Variants in OASL observed in about 807,000 individuals in gnomAD.
OASL encodes 2'-5'-oligoadenylate synthase-like protein.
OASL carries 28 observed loss-of-function variants against 35.3 expected under a neutral mutation model. That is an observed-to-expected ratio of 0.79 (90% CI 0.59 to 1.09). The LOEUF is 1.09. OASL is among the 50% of genes least tolerant of loss of function. The probability of loss-of-function intolerance (pLI) is 0.00; values close to 1 mark genes in which losing one functional copy is unlikely to be tolerated. For missense variants in OASL, 620 were observed against 635.2 expected (o/e 0.98, Z 0.26); for synonymous variants, 252 against 254.6 (o/e 0.99, Z 0.10).
exon 4 of OASL, chr12:121,027,581 T>C (rs1592934967): frequency 6.2e-7 from 1 of 1,613,996 alleles, no homozygotes; most frequent in East Asian, 2.2e-5. Flanking sequence ...AGTACCTCTC[T>C]TTTTTGAGCT....
At chr12:121,038,945 G>A (rs767245758) in exon 1 of OASL, 16 of 1,614,028 alleles carry the variant, frequency 9.9e-6, no homozygotes, top group Non-Finnish European at 1.1e-5. Flanking sequence ...AGGCTGGTGT[G>A]CTATACAGTT....
intron 4 of OASL, among the ~76,000 whole-genome samples, chr12:121,026,507 G>T (rs1013304227): frequency 6.6e-6 from 1 of 152,158 alleles, no homozygotes; most frequent in Non-Finnish European, 1.5e-5. Flanking sequence ...ACAAAGAGTG[G>T]GTATTGAAGT....
chr12:121,023,362 C>T (rs1208637077), intron 5 of OASL, among the ~76,000 whole-genome samples: 1 of 148,664 alleles, frequency 6.7e-6, no homozygotes, highest in East Asian at 2.0e-4. Context: ...GATCTCAGCT[C>T]ACTGCAGCCC....
chr12:121,031,436 C>T lies in OASL; in HGVS notation c.657+6G>A, dbSNP rs541505017. 2.5e-5 allele frequency: 41 copies of T among 1,612,556 alleles called. 1 individual carries two copies. The Admixed American group carries it at 6.8e-4, about 27-fold the overall frequency. ...CTTGCCCCTGCCATCCTGGCAGCCC[C>T]CTCACCTGCTGGTACCAGTGTTTCA... On this transcript the variant is annotated splice_donor_region_variant and intron_variant, in intron 3 of 5. Coordinates refer to ENST00000257570, the Ensembl canonical transcript of OASL.
chr12:121,027,699 C>T (rs540046843), exon 4 of OASL: 1 of 1,614,130 alleles, frequency 6.2e-7, no homozygotes, highest in East Asian at 2.2e-5. Flanking sequence ...AGTGGTGAAG[C>T]CTTCGTCCAA....
intron 2 of OASL, among the ~76,000 whole-genome samples, chr12:121,032,977 G>C (rs1176970849): frequency 1.3e-5 from 2 of 151,952 alleles, no homozygotes; most frequent in African/African-American, 2.4e-5. Context: ...CCAGGCTGGA[G>C]TGCAATGGCG....
At chr12:121,031,515 T>C (rs1201521958) in exon 3 of OASL, 1 of 1,613,994 alleles carries the variant, frequency 6.2e-7, no homozygotes, top group Non-Finnish European at 8.5e-7. Flanking sequence ...GAAATTTCTC[T>C]GCAGCTCGCT....
At chr12:121,030,201 GTTATA>G in intron 3 of OASL, among the ~76,000 whole-genome samples, 1 of 151,588 alleles carries the variant, frequency 6.6e-6, no homozygotes, top group African/African-American at 2.4e-5. Flanking sequence ...TTAAATCCCT[GTTATA>G]TTTTATTTTA....
At chr12:121,028,667 G>A (rs978073995) in intron 3 of OASL, among the ~76,000 whole-genome samples, 3 of 130,752 alleles carry the variant, frequency 2.3e-5, no homozygotes, top group African/African-American at 8.8e-5. Context: ...TACATAAGCT[G>A]ATAATTCCCT....
chr12:121,026,576 G>C (rs1464123773), intron 4 of OASL, among the ~76,000 whole-genome samples: 1 of 152,234 alleles, frequency 6.6e-6, no homozygotes, highest in Non-Finnish European at 1.5e-5. Flanking sequence ...ATGGGGCCCA[G>C]TGCGGTGGCT....
chr12:121,037,300 C>G (rs1001234130), intron 1 of OASL, among the ~76,000 whole-genome samples: 22 of 152,086 alleles, frequency 1.4e-4, no homozygotes, highest in African/African-American at 5.3e-4. Flanking sequence ...CAAAGTCTTT[C>G]TAGCTCCGAC....
chr12:121,038,750 G>C (rs756895449), intron 1 of OASL, 24 bp downstream of exon 1: 1 of 1,611,958 alleles, frequency 6.2e-7, no homozygotes, highest in Non-Finnish European at 8.5e-7. Flanking sequence ...GTCTTGCGTG[G>C]GGGCTGGAGG....
intron 4 of OASL, 50 bp from the exon 5 acceptor site, chr12:121,024,187 C>T (rs745321113): frequency 6.3e-7 from 1 of 1,579,616 alleles, no homozygotes; most frequent in Admixed American, 1.9e-5. Context: ...TGAAGGCCTT[C>T]AAGCCAGAAA....
exon 1 of OASL, chr12:121,038,920 A>C: frequency 6.2e-7 from 1 of 1,614,068 alleles, no homozygotes; most frequent in East Asian, 2.2e-5. Context: ...TGAGCCACGA[A>C]GGAGTCCAGC....
At chr12:121,038,062 G>C (rs557198794) in intron 1 of OASL, among the ~76,000 whole-genome samples, 2 of 151,184 alleles carry the variant, frequency 1.3e-5, no homozygotes, top group Non-Finnish European at 2.9e-5. Flanking sequence ...ACTCCAGCCT[G>C]GGTGACAGAG....
chr12:121,020,487 A>G lies in OASL; in HGVS notation c.*74T>C, dbSNP rs1174850088. ...AGACCTGGGACCTTCCCAGTAGACA[A>G]TGGGACAGAGTGATTGACAGGATGA... On this transcript the variant is annotated 3_prime_UTR_variant, in exon 6 of 6. Transcript: ENST00000257570. The G allele has an allele frequency of 2.6e-5, 38 of 1,437,818 alleles. No homozygotes were observed. The Middle Eastern group carries it at 5.5e-4, about 21-fold the overall frequency. 89.1% of individuals were successfully genotyped at this position (1,437,818 alleles called of 1,614,324 possible).
downstream of OASL, among the ~76,000 whole-genome samples, chr12:121,018,450 C>T (rs1869113908): frequency 6.6e-6 from 1 of 151,932 alleles, no homozygotes; most frequent in South Asian, 2.1e-4. Context: ...CGCCTTGGGA[C>T]CGGGCCCAAG....
exon 1 of OASL, chr12:121,038,934 G>C (rs1870071746): frequency 1.9e-6 from 3 of 1,614,142 alleles, no homozygotes; most frequent in Non-Finnish European, 2.5e-6. Context: ...GTCCAGCCTG[G>C]AGGCTGGTGT....
exon 4 of OASL, chr12:121,027,668 C>T (rs371187307): frequency 1.1e-5 from 18 of 1,614,226 alleles, no homozygotes; most frequent in Non-Finnish European, 1.4e-5. Context: ...TGACTTCATA[C>T]TCCAGGAGCA....
Sources: allele counts gnomAD v4.1 joint callset (sites outside exome capture counted in the v4.1 genomes callset), GRCh38; gene constraint gnomAD v4.1.1; transcripts MANE v1.5; gene names NCBI Gene and HGNC (gene_info 2026-07-23, HGNC 2026-07-21).